The following FANCC variants were observed in gnomAD, a reference collection of about 807,000 sequenced individuals.
FANCC encodes the protein Fanconi anemia group C protein.
FANCC carries 55 observed loss-of-function variants against 71.3 expected under a neutral mutation model. The observed-to-expected ratio is 0.77, with a 90% CI of 0.62 to 0.97. The LOEUF (loss-of-function observed/expected upper bound fraction) is 0.97, where lower values mean the gene tolerates loss of function less well. Ranked by LOEUF, FANCC falls within the 50% of genes least tolerant of loss-of-function variation. The pLI, the probability that FANCC is intolerant of heterozygous loss-of-function variation, is 0.00. For missense variants in FANCC, 678 were observed against 670.9 expected, an observed-to-expected ratio of 1.01 and a Z score of -0.12; for synonymous variants, 275 against 244.9, an observed-to-expected ratio of 1.12 and a Z score of -1.15.
At chr9:95,111,336 C>G in intron 13 of FANCC, 127 bp downstream of exon 13, 1 of 1,597,878 alleles carries the variant, frequency 6.3e-7, no homozygotes, top group East Asian at 2.2e-5. Flanking sequence ...GTTGCCATGA[C>G]ATATGCCATC....
chr9:95,187,341 A>C lies in FANCC; in HGVS notation c.346-15194T>G, dbSNP rs566817518. 3.8e-3 allele frequency among the ~76,000 whole-genome samples: 572 copies of C among 152,094 alleles called. 3 individuals are homozygous for C. Among genetic ancestry groups the C allele is most frequent in the African/African-American group, 0.013 (540 of 41,472 alleles). On this transcript the variant is annotated intron_variant, in intron 4 of 14. Transcript: ENST00000289081. ...CTAACCTTCTCCCTTCTCCCTCTTC[A>C]TGGTCACGGCCAAGGCCCACCTCCT...
chr9:95,279,889 A>G (rs1309494243), intron 1 of FANCC, among the ~76,000 whole-genome samples: 1 of 147,900 alleles, frequency 6.8e-6, no homozygotes, highest in African/African-American at 2.5e-5. Flanking sequence ...CGGAGGCTGC[A>G]GTGAGCAGAG....
intron 1 of FANCC, among the ~76,000 whole-genome samples, chr9:95,256,692 A>T (rs1231971693): frequency 6.6e-6 from 1 of 152,232 alleles, no homozygotes; most frequent in Non-Finnish European, 1.5e-5. Context: ...TAAAAATATT[A>T]ACCGTAAATG....
intron 1 of FANCC, among the ~76,000 whole-genome samples, chr9:95,252,710 A>C (rs1417775273): frequency 7.0e-6 from 1 of 143,692 alleles, no homozygotes; most frequent in African/African-American, 2.6e-5. Flanking sequence ...ACTCCACTGC[A>C]CTCCAGCCTG....
chr9:95,104,792 G>A (rs561105298), intron 14 of FANCC, among the ~76,000 whole-genome samples: 5 of 152,246 alleles, frequency 3.3e-5, no homozygotes, highest in South Asian at 2.1e-4. Flanking sequence ...GGGCCACAGG[G>A]TTGGGGAGGA....
intron 7 of FANCC, among the ~76,000 whole-genome samples, chr9:95,138,407 G>C (rs939254744): frequency 2.0e-5 from 3 of 152,222 alleles, no homozygotes; most frequent in African/African-American, 7.2e-5. Context: ...TGGAGCCCTG[G>C]AGAGGGGTTC....
intron 1 of FANCC, among the ~76,000 whole-genome samples, chr9:95,295,145 C>T (rs898373320): frequency 2.0e-5 from 3 of 151,968 alleles, no homozygotes; most frequent in African/African-American, 7.3e-5. Context: ...GATAAGACCA[C>T]AAAAGCAATA....
At chr9:95,119,876 T>C (rs2072732177) in intron 10 of FANCC, among the ~76,000 whole-genome samples, 1 of 152,162 alleles carries the variant, frequency 6.6e-6, no homozygotes, top group African/African-American at 2.4e-5. Context: ...CACGTTCAGC[T>C]AAATTTTGTA....
At chr9:95,186,091 T>C (rs1826689620) in intron 4 of FANCC, among the ~76,000 whole-genome samples, 1 of 152,182 alleles carries the variant, frequency 6.6e-6, no homozygotes, top group African/African-American at 2.4e-5. Flanking sequence ...TCAAGGGCAA[T>C]GTTCACACCT....
intron 1 of FANCC, chr9:95,293,681 T>C (rs754791177): frequency 1.0e-4 from 168 of 1,613,992 alleles, no homozygotes; most frequent in Middle Eastern, 3.3e-4. Flanking sequence ...ATTTGTTGTT[T>C]GATTCTCAAG....
At chr9:95,110,579 C>A in intron 13 of FANCC, 1 of 1,034,972 alleles carries the variant, frequency 9.7e-7, no homozygotes, top group Non-Finnish European at 1.2e-6. Flanking sequence ...TTTTTAAAAT[C>A]TAAAACTATT....
intron 4 of FANCC, among the ~76,000 whole-genome samples, chr9:95,190,629 C>T (rs1827031163): frequency 6.6e-6 from 1 of 152,218 alleles, no homozygotes; most frequent in Non-Finnish European, 1.5e-5. Context: ...TCCCCCAGGG[C>T]TGCACCTGTA....
At chr9:95,133,568 G>GTGC (rs1385836011) in intron 8 of FANCC, among the ~76,000 whole-genome samples, 1 of 152,254 alleles carries the variant, frequency 6.6e-6, no homozygotes, top group Non-Finnish European at 1.5e-5. Context: ...GCTCACCACA[G>GTGC]TGCTGCTCAG....
rs540737325 is a variant in FANCC, at chr9:95,292,908, C to T, written c.-79+24618G>A. On this transcript the variant is annotated intron_variant, in intron 1 of 14. Coordinates refer to ENST00000289081, the MANE Select transcript of FANCC (RefSeq NM_000136.3). ...TGCAGAGGACTGTGGCAAGACCTTC[C>T]GGTGCACATGCGGCTGTCCCTACGC... 2.1e-4 allele frequency: 338 copies of T among 1,582,592 alleles called. 5 individuals are homozygous for T. In the South Asian group the frequency reaches 3.5e-3, roughly 17 times the overall value.
At chr9:95,254,692 A>G (rs940828774) in intron 1 of FANCC, among the ~76,000 whole-genome samples, 1 of 152,124 alleles carries the variant, frequency 6.6e-6, no homozygotes, top group African/African-American at 2.4e-5. Flanking sequence ...GAGTTTTTTC[A>G]TACACCAGTG....
intron 1 of FANCC, among the ~76,000 whole-genome samples, chr9:95,277,130 T>C (rs1044280367): frequency 3.3e-5 from 5 of 152,232 alleles, no homozygotes; most frequent in Admixed American, 1.3e-4. Flanking sequence ...TTTTCTGAAA[T>C]AGATGATTCT....
intron 7 of FANCC, among the ~76,000 whole-genome samples, chr9:95,146,656 A>G (rs1389518299): frequency 1.3e-5 from 2 of 152,074 alleles, no homozygotes; most frequent in Non-Finnish European, 2.9e-5. Context: ...TTTGGATCTC[A>G]TTATCTGAGA....
intron 14 of FANCC, among the ~76,000 whole-genome samples, chr9:95,106,719 CCTTA>C (rs2071474732): frequency 6.6e-6 from 1 of 152,182 alleles, no homozygotes; most frequent in Non-Finnish European, 1.5e-5. Flanking sequence ...CTCATCGTGG[CCTTA>C]CTTCTTTCCA....
intron 1 of FANCC, chr9:95,292,538 G>C (rs911492469): frequency 1.2e-4 from 179 of 1,479,928 alleles, no homozygotes; most frequent in Non-Finnish European, 9.5e-5. Context: ...CGGGGGAGCT[G>C]ATCCAGCAGT....
Sources: gnomAD v4.1 joint callset for allele counts (sites outside exome capture counted in the v4.1 genomes callset) on GRCh38, gnomAD v4.1.1 for gene constraint, MANE v1.5 for transcripts, NCBI Gene and HGNC (gene_info 2026-07-23, HGNC 2026-07-21) for gene names.